NSMCE2: variants seen among roughly 807,000 people sequenced by gnomAD.
The protein encoded by NSMCE2 is E3 SUMO-protein ligase NSE2.
Under a neutral mutation model 23.8 loss-of-function variants are expected in NSMCE2, and 24 were observed. That is an observed-to-expected ratio of 1.01 (90% CI 0.73 to 1.42). The LOEUF is 1.42. NSMCE2 is among the 40% of genes most tolerant of loss of function. NSMCE2 has a pLI of 0.00. For missense variants in NSMCE2, 284 were observed against 296.5 expected (o/e 0.96, Z 0.31); for synonymous variants, 92 against 94.1 (o/e 0.98, Z 0.13).
intron 1 of NSMCE2, among the ~76,000 whole-genome samples, chr8:125,097,322 G>T (rs1817988050): frequency 1.3e-5 from 2 of 152,110 alleles, no homozygotes; most frequent in Non-Finnish European, 2.9e-5. Context: ...AAATTTCCAT[G>T]ATGACCACTA....
intron 3 of NSMCE2, among the ~76,000 whole-genome samples, chr8:125,110,822 C>G (rs1449499039): frequency 7.4e-6 from 1 of 135,640 alleles, no homozygotes; most frequent in Non-Finnish European, 1.5e-5. Context: ...TTTTAAATAC[C>G]CAAATGAGGT....
At chr8:125,095,000 C>A (rs949355068) in intron 1 of NSMCE2, among the ~76,000 whole-genome samples, 1 of 152,162 alleles carries the variant, frequency 6.6e-6, no homozygotes, top group Non-Finnish European at 1.5e-5. Context: ...TGCAGGCCCG[C>A]ACCACCACAT....
At chr8:125,113,066 G>T (rs185372973) in intron 3 of NSMCE2, among the ~76,000 whole-genome samples, 19 of 138,146 alleles carry the variant, frequency 1.4e-4, no homozygotes, top group South Asian at 5.2e-4. Context: ...ATGGGGGGGG[G>T]GGTGAGTCAA....
At chr8:125,268,093 G>C (rs965981474) in intron 5 of NSMCE2, among the ~76,000 whole-genome samples, 1 of 151,724 alleles carries the variant, frequency 6.6e-6, no homozygotes, top group Non-Finnish European at 1.5e-5. Flanking sequence ...AAATTAACTG[G>C]GCATGATGGT....
chr8:125,200,111 A>T (rs7817794), intron 5 of NSMCE2, among the ~76,000 whole-genome samples: 56,536 of 151,982 alleles, frequency 0.37, 14,020 homozygotes, highest in African/African-American at 0.7. Context: ...CATTGTTGGG[A>T]CTTGACTCTT....
At chr8:125,206,451 T>C (rs1224335192) in intron 5 of NSMCE2, among the ~76,000 whole-genome samples, 5 of 152,208 alleles carry the variant, frequency 3.3e-5, no homozygotes, top group Admixed American at 3.3e-4. Flanking sequence ...GAAGAGATCT[T>C]GTTACAGGGG....
intron 5 of NSMCE2, among the ~76,000 whole-genome samples, chr8:125,300,183 A>G (rs971572648): frequency 7.7e-6 from 1 of 130,574 alleles, no homozygotes; most frequent in Non-Finnish European, 1.7e-5. Flanking sequence ...TTTTTTTTTT[A>G]TTTTGAGACA....
At chr8:125,139,797 T>C (rs190298377) in intron 3 of NSMCE2, among the ~76,000 whole-genome samples, 136 of 152,306 alleles carry the variant, frequency 8.9e-4, no homozygotes, top group Non-Finnish European at 1.5e-3. Flanking sequence ...TTTGCCCTTA[T>C]GTTGTCATTT....
chr8:125,245,235 A>G (rs940095300), intron 5 of NSMCE2, among the ~76,000 whole-genome samples: 7 of 152,148 alleles, frequency 4.6e-5, no homozygotes, highest in African/African-American at 1.7e-4. Context: ...GTGAGCAGAT[A>G]TTGCACCACT....
At chr8:125,322,711 T>A (rs1267707877) in intron 5 of NSMCE2, among the ~76,000 whole-genome samples, 9 of 152,176 alleles carry the variant, frequency 5.9e-5, no homozygotes. Flanking sequence ...GAAAATCCAA[T>A]GAAATCTACA....
intron 7 of NSMCE2, among the ~76,000 whole-genome samples, chr8:125,359,215 C>T (rs1813417806): frequency 6.8e-6 from 1 of 146,556 alleles, no homozygotes; most frequent in Non-Finnish European, 1.5e-5. Context: ...TGCAGTGAGC[C>T]GAGATCATGC....
chr8:125,268,972 A>C (rs1216474323), intron 5 of NSMCE2, among the ~76,000 whole-genome samples: 2 of 152,232 alleles, frequency 1.3e-5, no homozygotes, highest in Non-Finnish European at 2.9e-5. Context: ...TTTTTAAAAA[A>C]TATATTGTTT....
chr8:125,299,152 T>A (rs1197680983), intron 5 of NSMCE2, among the ~76,000 whole-genome samples: 1 of 152,226 alleles, frequency 6.6e-6, no homozygotes, highest in Non-Finnish European at 1.5e-5. Flanking sequence ...CACCTACACA[T>A]AATTTGTATT....
chr8:125,349,060 CA>C (rs1812916636), intron 5 of NSMCE2, among the ~76,000 whole-genome samples: 17 of 139,256 alleles, frequency 1.2e-4, no homozygotes, highest in Admixed American at 1.2e-3. Flanking sequence ...CACACACACA[CA>C]CAGAGCTCTT....
At chr8:125,351,097 C>A (rs1813013370) in intron 5 of NSMCE2, among the ~76,000 whole-genome samples, 1 of 152,078 alleles carries the variant, frequency 6.6e-6, no homozygotes, top group South Asian at 2.1e-4. Context: ...AGAATGATTC[C>A]AAAGGCTTTG....
At chr8:125,149,233 C>T (rs1174807182) in intron 3 of NSMCE2, among the ~76,000 whole-genome samples, 2 of 152,110 alleles carry the variant, frequency 1.3e-5, no homozygotes, top group Non-Finnish European at 2.9e-5. Flanking sequence ...TCTTTGCTGC[C>T]TGGATAGTAA....
chr8:125,214,980 C>T (rs1198484224), intron 5 of NSMCE2, among the ~76,000 whole-genome samples: 1 of 152,034 alleles, frequency 6.6e-6, no homozygotes, highest in Non-Finnish European at 1.5e-5. Context: ...AACAGTAATT[C>T]CCCATGTCCC....
intron 3 of NSMCE2, among the ~76,000 whole-genome samples, chr8:125,121,127 A>G (rs1819244373): frequency 6.6e-6 from 1 of 152,238 alleles, no homozygotes; most frequent in African/African-American, 2.4e-5. Flanking sequence ...AGTGGCCTGA[A>G]TAAGTGAGGA....
At chr8:125,211,417 C>T (rs551871189) in intron 5 of NSMCE2, among the ~76,000 whole-genome samples, 1 of 152,214 alleles carries the variant, frequency 6.6e-6, no homozygotes, top group African/African-American at 2.4e-5. Flanking sequence ...TTGAATATTC[C>T]ATATCAGTAC....
Sources: gnomAD v4.1 joint callset for allele counts (sites outside exome capture counted in the v4.1 genomes callset) on GRCh38, gnomAD v4.1.1 for gene constraint, MANE v1.5 for transcripts, NCBI Gene and HGNC (gene_info 2026-07-23, HGNC 2026-07-21) for gene names.